The following KAT2B variants were observed in gnomAD, a reference collection of about 807,000 sequenced individuals.
The protein encoded by KAT2B is histone acetyltransferase KAT2B.
A neutral mutation model predicts 105.9 loss-of-function variants in KAT2B; 36 were observed. The observed-to-expected ratio is 0.34, with a 90% confidence interval of 0.26 to 0.45. KAT2B has a LOEUF of 0.45. Ranked by LOEUF, KAT2B falls within the 20% of genes least tolerant of loss-of-function variation. KAT2B has a pLI of 1.00. For synonymous variants in KAT2B, 397 were observed against 377.9 expected (o/e 1.05, Z -0.59); for missense variants, 820 against 1,021.6 (o/e 0.80, Z 2.69).
At chr3:20,052,171 A>G (rs1313576618) in intron 1 of KAT2B, among the ~76,000 whole-genome samples, 1 of 152,232 alleles carries the variant, frequency 6.6e-6, no homozygotes, top group Non-Finnish European at 1.5e-5. Context: ...CCAGCTTCTC[A>G]GAGAAGCCTT....
At chr3:20,059,477 GGA>G (rs1181643728) in intron 1 of KAT2B, among the ~76,000 whole-genome samples, 1 of 150,946 alleles carries the variant, frequency 6.6e-6, no homozygotes, top group African/African-American at 2.4e-5. Context: ...CAGCACTTTG[GGA>G]GGCCGAGGCA....
chr3:20,064,480 T>C (rs762725222), intron 1 of KAT2B, among the ~76,000 whole-genome samples: 8 of 152,204 alleles, frequency 5.3e-5, no homozygotes, highest in Non-Finnish European at 1.0e-4. Context: ...AGAGATCTTA[T>C]TGGGTGAGAA....
At chr3:20,123,513 A>G (rs1376100124) in intron 9 of KAT2B, among the ~76,000 whole-genome samples, 1 of 152,172 alleles carries the variant, frequency 6.6e-6, no homozygotes, top group Non-Finnish European at 1.5e-5. Context: ...TGAGACAGGG[A>G]ATGTGTGGCT....
intron 11 of KAT2B, among the ~76,000 whole-genome samples, chr3:20,128,998 A>T (rs996251484): frequency 7.9e-6 from 1 of 126,746 alleles, no homozygotes; most frequent in Non-Finnish European, 1.6e-5. Flanking sequence ...TGAGAGCGAA[A>T]CTCCATCTCA....
chr3:20,130,152 A>AT (rs1166808659), intron 11 of KAT2B, among the ~76,000 whole-genome samples: 1 of 152,204 alleles, frequency 6.6e-6, no homozygotes. Context: ...CTCAGCACGA[A>AT]TTATAGCTGC....
At position 20,136,980 on chromosome 3, in the gene KAT2B, T is replaced by A. The variant is rs1575155667; in HGVS notation, c.1788T>A (p.Tyr596Ter). 6.2e-7 allele frequency: 1 copy of A among 1,609,740 alleles called. No individual in the cohort carries two copies. Among genetic ancestry groups the A allele is most frequent in the Non-Finnish European group, 8.5e-7 (1 of 1,176,204 alleles). Residue 596 changes from tyrosine to a stop codon, truncating the protein, a stop_gained, in exon 12 of 18, where the codon TAT becomes TAA. Coordinates refer to ENST00000263754, the MANE Select transcript of KAT2B (RefSeq NM_003884.5). LOFTEE classifies it high-confidence loss of function. ...GTHLMNHLKE[Y>*]HIKHDILNFL... ...ACCTGATGAATCATTTGAAAGAATA[T>A]CACATAAAGCATGACATCCTGAACT... is the stretch of plus-strand genomic sequence containing the variant.
At chr3:20,070,156 C>G (rs1326437101) in intron 1 of KAT2B, among the ~76,000 whole-genome samples, 1 of 152,110 alleles carries the variant, frequency 6.6e-6, no homozygotes, top group Non-Finnish European at 1.5e-5. Flanking sequence ...CCTGCCTTCT[C>G]CATCCTCATT....
chr3:20,125,159 A>G (rs985535580), intron 9 of KAT2B, among the ~76,000 whole-genome samples: 1 of 152,178 alleles, frequency 6.6e-6, no homozygotes, highest in East Asian at 1.9e-4. Flanking sequence ...CGTCTCTACT[A>G]AAAAATACAA....
intron 2 of KAT2B, among the ~76,000 whole-genome samples, chr3:20,085,536 A>T: frequency 6.9e-6 from 1 of 145,754 alleles, no homozygotes; most frequent in Non-Finnish European, 1.5e-5. Flanking sequence ...TGCAGGGGGC[A>T]GAGTCTTGCT....
In KAT2B at chr3:20,111,630, G is replaced by A. The variant is rs1699122211; in HGVS notation, c.886G>A (p.Asp296Asn). ...TTACTGCAACGTGCCACAGTTCTGC[G>A]ACAGTCTACCTCGGTACGAAACCAC... is the stretch of plus-strand genomic sequence containing the variant. ...LCYCNVPQFC[D>N]SLPRYETTQV... Residue 296 changes from aspartate (D) to asparagine (N), a missense_variant, in exon 6 of 18, where the codon GAC (aspartate) becomes AAC (asparagine). Around this residue, in one of 6 missense-constraint regions of KAT2B, gnomAD observed 173 missense variants for 249.5 expected, o/e 0.69. Transcript: ENST00000263754. 1 of 1,613,484 alleles carries A rather than the reference G, an allele frequency of 6.2e-7. No homozygotes were observed.
chr3:20,071,439 A>G (rs895065436), intron 1 of KAT2B, among the ~76,000 whole-genome samples: 2 of 152,258 alleles, frequency 1.3e-5, no homozygotes, highest in East Asian at 1.9e-4. Context: ...GGGCAGAAGA[A>G]TTATTTTTAT....
rs567619043 is a variant in KAT2B, at chr3:20,119,535, G to A, written c.1151-63G>A. On this transcript the variant is annotated intron_variant, in intron 7 of 17. Transcript: ENST00000263754. ...AGTGGGGTGGTCCCATGTGCACTTC[G>A]TTTCTTGTTACCTAAGAAAGGAGTC... The A allele has an allele frequency of 1.6e-4, 253 of 1,594,808 alleles. No individual in the cohort carries two copies. The African/African-American group carries it at 2.7e-3, about 17-fold the overall frequency.
chr3:20,114,804 T>C (rs924286402), intron 6 of KAT2B, 78 bp from the exon 7 acceptor site: 10 of 746,068 alleles, frequency 1.3e-5, no homozygotes, highest in Non-Finnish European at 1.6e-5. Flanking sequence ...GATGTTAAGG[T>C]GATTGTCACA....
chr3:20,083,640 G>A (rs1698560418), intron 2 of KAT2B, among the ~76,000 whole-genome samples: 1 of 152,198 alleles, frequency 6.6e-6, no homozygotes, highest in Non-Finnish European at 1.5e-5. Flanking sequence ...GACTACCCTG[G>A]CAGCAGAGAG....
chr3:20,057,580 T>C (rs1698022593), intron 1 of KAT2B, among the ~76,000 whole-genome samples: 1 of 152,218 alleles, frequency 6.6e-6, no homozygotes, highest in African/African-American at 2.4e-5. Context: ...AGCTGACTGC[T>C]CTGGCATTTT....
chr3:20,040,932 G>A (rs544006542), intron 1 of KAT2B, 152 bp downstream of exon 1: 457 of 961,140 alleles, frequency 4.8e-4, no homozygotes, highest in Non-Finnish European at 6.0e-4. Context: ...CTTGTCGCCC[G>A]CGCCCAATTA....
intron 1 of KAT2B, among the ~76,000 whole-genome samples, chr3:20,047,169 A>C (rs545749694): frequency 1.3e-5 from 2 of 148,952 alleles, no homozygotes; most frequent in African/African-American, 5.0e-5. Context: ...CTCCCACCCT[A>C]GTCTCCCAAG....
chr3:20,144,276 CTTTTT>C (rs761735374), intron 13 of KAT2B, among the ~76,000 whole-genome samples: 18 of 89,388 alleles, frequency 2.0e-4, no homozygotes, highest in African/African-American at 8.0e-4. Context: ...CCTTGGGATT[CTTTTT>C]TTTTTTTTTT....
In KAT2B at chr3:20,040,557, C is replaced by T; in HGVS notation, c.80C>T (p.Pro27Leu). Reference protein sequence around the residue: ...GAGAGPGALPPQPAALPPAPP... With the variant: ...GAGAGPGALPLQPAALPPAPP... ...GGGGCCGGGCCCGGGGCGCTGCCCC[C>T]GCAGCCTGCGGCGCTTCCGCCCGCG... Residue 27 changes from proline to leucine, a missense_variant, in exon 1 of 18, where the codon CCG (proline) becomes CTG (leucine). Coordinates refer to ENST00000263754, the MANE Select transcript of KAT2B (RefSeq NM_003884.5). 4 of 1,063,962 alleles carry T rather than the reference C, an allele frequency of 3.8e-6. No individual in the cohort carries two copies. Among genetic ancestry groups the T allele is most frequent in the Non-Finnish European group, 4.5e-6 (4 of 882,132 alleles). 65.9% of individuals were successfully genotyped at this position (1,063,962 alleles called of 1,614,324 possible). A position where few individuals can be genotyped will look rare whatever the true frequency, so the allele number is the denominator to read the frequency against.
Sources: gnomAD v4.1 joint callset for allele counts (sites outside exome capture counted in the v4.1 genomes callset) on GRCh38, gnomAD v4.1.1 for gene constraint, gnomAD v4.1.1 regional missense constraint, MANE v1.5 for transcripts, NCBI Gene and HGNC (gene_info 2026-07-23, HGNC 2026-07-21) for gene names.